The following EPB41L2 variants were observed in gnomAD, a reference collection of about 807,000 sequenced individuals.
EPB41L2 encodes the protein erythrocyte membrane protein band 4.1 like 2, also known as band 4.1-like protein 2.
A neutral mutation model predicts 113.0 loss-of-function variants in EPB41L2; 43 were observed. The ratio of observed to expected loss-of-function variants is 0.38; its 90% CI spans 0.30 to 0.49. The LOEUF (loss-of-function observed/expected upper bound fraction) is 0.49. Among genes scored for constraint, EPB41L2 ranks in the 20% least tolerant of loss-of-function variants. The pLI, the probability that EPB41L2 is intolerant of heterozygous loss-of-function variation, is 0.95. For missense variants in EPB41L2, 1,147 were observed against 1,223.4 expected (o/e 0.94, Z 0.93); for synonymous variants, 442 against 436.7 (o/e 1.01, Z -0.15).
chr6:130,950,844 A>C (rs986541053), intron 3 of EPB41L2, among the ~76,000 whole-genome samples: 1 of 152,216 alleles, frequency 6.6e-6, no homozygotes, highest in Non-Finnish European at 1.5e-5. Context: ...ACAGTAGAAA[A>C]TAATGTAGAT....
At chr6:130,957,815 C>T (rs1817964131) in intron 1 of EPB41L2, among the ~76,000 whole-genome samples, 1 of 152,172 alleles carries the variant, frequency 6.6e-6, no homozygotes, top group Non-Finnish European at 1.5e-5. Flanking sequence ...ACCACTAATT[C>T]TAGAGCATTT....
chr6:130,876,841 A>C, intron 14 of EPB41L2: 1 of 992,832 alleles, frequency 1.0e-6, no homozygotes, highest in Non-Finnish European at 1.4e-6. Flanking sequence ...TAGCAACACA[A>C]ACACAAAATA....
intron 18 of EPB41L2, among the ~76,000 whole-genome samples, chr6:130,858,979 G>A (rs981777319): frequency 6.6e-6 from 1 of 152,226 alleles, no homozygotes. Flanking sequence ...TCCAGCCTGT[G>A]AGCAGCAGGA....
intron 14 of EPB41L2, among the ~76,000 whole-genome samples, chr6:130,876,375 T>C (rs760652765): frequency 6.6e-6 from 1 of 152,238 alleles, no homozygotes; most frequent in Non-Finnish European, 1.5e-5. Flanking sequence ...CACTTTCACA[T>C]GAAATCAGTT....
chr6:130,993,593 G>A (rs1186555648), intron 1 of EPB41L2, among the ~76,000 whole-genome samples: 2 of 152,200 alleles, frequency 1.3e-5, no homozygotes, highest in African/African-American at 2.4e-5. Flanking sequence ...CTGCTAGGTA[G>A]TACCCAGACG....
At position 130,908,664 on chromosome 6, in the gene EPB41L2, C is replaced by T. The variant is rs184796583; in HGVS notation, c.853+157G>A. ...AAAGTAGGAGCACCTGAGCCATGTA[C>T]GAAACAGTCACAATTCCACAAAAAT... On this transcript the variant is annotated intron_variant, in intron 5 of 19. Transcript: ENST00000337057. Among the ~76,000 whole-genome samples the T allele has an allele frequency of 1.5e-3, 228 of 152,124 alleles. 2 individuals carry two copies. The highest frequency in any genetic ancestry group is 5.0e-3 in the African/African-American group (206 of 41,492).
At chr6:130,994,201 G>A (rs901865654) in intron 1 of EPB41L2, among the ~76,000 whole-genome samples, 6 of 152,112 alleles carry the variant, frequency 3.9e-5, no homozygotes, top group Non-Finnish European at 7.4e-5. Context: ...TAAGAGTAAT[G>A]TAGCCCCTTT....
intron 1 of EPB41L2, among the ~76,000 whole-genome samples, chr6:130,983,519 CTT>C (rs56940825): frequency 1.7e-4 from 24 of 137,230 alleles, no homozygotes; most frequent in Admixed American, 2.2e-4. Context: ...CTACTATAGA[CTT>C]TTTTTTTTTT....
intron 3 of EPB41L2, among the ~76,000 whole-genome samples, chr6:130,936,744 A>G (rs1233440849): frequency 1.3e-5 from 2 of 152,238 alleles, no homozygotes; most frequent in Non-Finnish European, 2.9e-5. Flanking sequence ...AGCCCTTACT[A>G]TGTCCTAGGC....
intron 1 of EPB41L2, among the ~76,000 whole-genome samples, chr6:131,022,310 T>C (rs960923132): frequency 1.6e-4 from 25 of 152,228 alleles, no homozygotes; most frequent in African/African-American, 5.1e-4. Flanking sequence ...GGCCTGGAGA[T>C]TGGGAAGCCC....
intron 8 of EPB41L2, among the ~76,000 whole-genome samples, chr6:130,896,508 C>T (rs1233897670): frequency 1.3e-5 from 2 of 152,130 alleles, no homozygotes; most frequent in African/African-American, 2.4e-5. Context: ...GGAGGCAACC[C>T]GCATTTGAAA....
chr6:130,969,364 T>C (rs547294587), intron 1 of EPB41L2, among the ~76,000 whole-genome samples: 112 of 152,358 alleles, frequency 7.4e-4, no homozygotes, highest in Middle Eastern at 6.8e-3. Flanking sequence ...ACAGTGGCCC[T>C]GTTTTTCATT....
intron 1 of EPB41L2, among the ~76,000 whole-genome samples, chr6:131,017,143 TCCTA>T (rs1204285500): frequency 2.0e-5 from 3 of 152,160 alleles, no homozygotes; most frequent in African/African-American, 4.8e-5. Context: ...ACAATAAAAA[TCCTA>T]CCTGTCATAT....
In EPB41L2 at chr6:130,934,798, T is replaced by C. The variant is rs1808211477; in HGVS notation, c.706-8089A>G. Among the ~76,000 whole-genome samples, 4 of 74,878 alleles carry C rather than the reference T, an allele frequency of 5.3e-5. No homozygotes were observed. In the Admixed American group the frequency reaches 5.8e-4, roughly 11 times the overall value. 49.1% of individuals were successfully genotyped at this position (74,878 alleles called of 152,430 possible). On this transcript the variant is annotated intron_variant, in intron 3 of 19. Coordinates refer to ENST00000337057, the MANE Select transcript of EPB41L2 (RefSeq NM_001431.4). ...ACCCGTCCCTTTCTTTTTGTTTTCT[T>C]TTTTTTTTTTTTTTGTAACTGAAAA...
chr6:131,015,481 C>T (rs983172542), intron 1 of EPB41L2: 1 of 152,206 alleles, frequency 6.6e-6, no homozygotes, highest in Admixed American at 6.5e-5. Flanking sequence ...ATAAAGCACT[C>T]GAGTTCACAG....
At chr6:130,996,208 T>G (rs1459018149) in intron 1 of EPB41L2, among the ~76,000 whole-genome samples, 1 of 152,172 alleles carries the variant, frequency 6.6e-6, no homozygotes, top group Admixed American at 6.5e-5. Flanking sequence ...ATACCAATTG[T>G]GTATTTATCT....
chr6:130,885,334 C>T, intron 11 of EPB41L2, 66 bp from the exon 12 acceptor site: 2 of 1,541,820 alleles, frequency 1.3e-6, no homozygotes, highest in Non-Finnish European at 1.8e-6. Flanking sequence ...TGGAAAATTT[C>T]CCCCTTACAG....
chr6:130,963,808 A>G (rs1584011559), intron 1 of EPB41L2, among the ~76,000 whole-genome samples: 1 of 152,194 alleles, frequency 6.6e-6, no homozygotes. Flanking sequence ...ACCATAATGC[A>G]TATAAACCTT....
In EPB41L2 at chr6:130,956,473, C is replaced by T; in HGVS notation, c.13G>A (p.Val5Ile). ...TTCTTCACTTCAGACACAGAGCCTA[C>T]TTCAGTAGTCATGGCCACAGCTTAT... is the stretch of plus-strand genomic sequence containing the variant. MTTE[V>I]GSVSEVKKDS... Residue 5 changes from valine (V) to isoleucine (I), a missense_variant, in exon 2 of 20, where the codon GTA (valine) becomes ATA (isoleucine). By Grantham distance (29) the Val-to-Ile change is conservative. Transcript: ENST00000337057. 6.2e-7 allele frequency: 1 copy of T among 1,612,520 alleles called. No homozygotes were observed. Among genetic ancestry groups the T allele is most frequent in the South Asian group, 1.1e-5 (1 of 90,980 alleles).
Sources: gnomAD v4.1 joint callset for allele counts (sites outside exome capture counted in the v4.1 genomes callset) on GRCh38, gnomAD v4.1.1 for gene constraint, MANE v1.5 for transcripts, NCBI Gene and HGNC (gene_info 2026-07-23, HGNC 2026-07-21) for gene names.